Variants in ENOX1 observed in about 807,000 individuals in gnomAD.
The protein encoded by ENOX1 is ecto-NOX disulfide-thiol exchanger 1, also known as candidate growth-related and time keeping constitutive hydroquinone (NADH) oxidase.
In ENOX1, 42 loss-of-function variants were observed where a neutral mutation model predicts 82.5. The observed-to-expected ratio is 0.51, with a 90% CI of 0.40 to 0.66. The LOEUF (loss-of-function observed/expected upper bound fraction) is 0.66. Ranked by LOEUF, ENOX1 falls within the 30% of genes least tolerant of loss-of-function variation. ENOX1 has a pLI of 0.00. For synonymous variants in ENOX1, 271 were observed against 282.2 expected (o/e 0.96, Z 0.40); for missense variants, 608 against 811.6 (o/e 0.75, Z 3.05).
At chr13:43,712,701 T>C (rs905473601) in intron 1 of ENOX1, among the ~76,000 whole-genome samples, 1 of 152,210 alleles carries the variant, frequency 6.6e-6, no homozygotes, top group African/African-American at 2.4e-5. Context: ...AGTTCACTCA[T>C]GATTTGGCTC....
intron 3 of ENOX1, among the ~76,000 whole-genome samples, chr13:43,446,576 C>A (rs1007631372): frequency 6.6e-6 from 1 of 152,214 alleles, no homozygotes; most frequent in Non-Finnish European, 1.5e-5. Context: ...TCTCTCCTAA[C>A]TGGCTACCTC....
At chr13:43,785,850 A>AG (rs1372964762) in intron 1 of ENOX1, among the ~76,000 whole-genome samples, 1 of 152,086 alleles carries the variant, frequency 6.6e-6, no homozygotes, top group Non-Finnish European at 1.5e-5. Flanking sequence ...GTGGCCGTGC[A>AG]GGGGGAGGAC....
intron 11 of ENOX1, among the ~76,000 whole-genome samples, chr13:43,309,595 A>C (rs2047071337): frequency 6.6e-6 from 1 of 152,212 alleles, no homozygotes; most frequent in Non-Finnish European, 1.5e-5. Flanking sequence ...TCAACTGGAC[A>C]CATCATCACT....
chr13:43,412,586 C>T (rs564102617), intron 4 of ENOX1, among the ~76,000 whole-genome samples: 2 of 152,170 alleles, frequency 1.3e-5, no homozygotes, highest in Non-Finnish European at 2.9e-5. Context: ...GTCTACCTAA[C>T]GTGACTTTTC....
chr13:43,294,438 A>C (rs1035026502), intron 12 of ENOX1, among the ~76,000 whole-genome samples: 4 of 152,238 alleles, frequency 2.6e-5, no homozygotes, highest in Non-Finnish European at 5.9e-5. Context: ...AGATATCACT[A>C]TAAATTTACT....
At chr13:43,324,438 A>G (rs1317967410) in intron 10 of ENOX1, among the ~76,000 whole-genome samples, 1 of 152,166 alleles carries the variant, frequency 6.6e-6, no homozygotes, top group Non-Finnish European at 1.5e-5. Context: ...ATAAATCTGT[A>G]GAGGTGTTGC....
intron 5 of ENOX1, among the ~76,000 whole-genome samples, chr13:43,404,910 C>T (rs532200178): frequency 2.9e-4 from 44 of 152,254 alleles, no homozygotes; most frequent in Non-Finnish European, 4.1e-4. Flanking sequence ...AATCTTTCAA[C>T]AAGATGGAAA....
intron 9 of ENOX1, among the ~76,000 whole-genome samples, chr13:43,327,342 A>G (rs1359071685): frequency 1.3e-5 from 2 of 152,182 alleles, no homozygotes; most frequent in Non-Finnish European, 2.9e-5. Context: ...TATTATCTTG[A>G]CTTAATTTAG....
intron 2 of ENOX1, among the ~76,000 whole-genome samples, chr13:43,601,483 T>C (rs558437626): frequency 6.6e-6 from 1 of 151,368 alleles, no homozygotes; most frequent in African/African-American, 2.4e-5. Flanking sequence ...TATTGGGAAA[T>C]ACACAAAGGA....
intron 2 of ENOX1, among the ~76,000 whole-genome samples, chr13:43,624,035 A>C (rs1482297787): frequency 6.6e-6 from 1 of 152,186 alleles, no homozygotes; most frequent in East Asian, 1.9e-4. Flanking sequence ...GTACCATTTT[A>C]CATTCCCACC....
chr13:43,296,465 C>G (rs975395675), intron 12 of ENOX1, among the ~76,000 whole-genome samples: 6 of 152,174 alleles, frequency 3.9e-5, no homozygotes, highest in African/African-American at 1.4e-4. Context: ...CTTACAGCCT[C>G]AGAAGGAACC....
chr13:43,778,157 T>C (rs941639200), intron 1 of ENOX1, among the ~76,000 whole-genome samples: 3 of 152,256 alleles, frequency 2.0e-5, no homozygotes, highest in East Asian at 1.9e-4. Context: ...TTTCTAACTA[T>C]AGAGAGAGCC....
chr13:43,489,507 C>T (rs1593457367), intron 2 of ENOX1, among the ~76,000 whole-genome samples: 1 of 152,158 alleles, frequency 6.6e-6, no homozygotes, highest in East Asian at 1.9e-4. Flanking sequence ...AGAGGTAGGA[C>T]CATGGCAGAG....
chr13:43,738,900 C>CT (rs993103828), intron 1 of ENOX1, among the ~76,000 whole-genome samples: 1 of 152,138 alleles, frequency 6.6e-6, no homozygotes, highest in Non-Finnish European at 1.5e-5. Context: ...CCTCTCTGAA[C>CT]TTTTTTTCTC....
chr13:43,630,381 C>A (rs1269660320), intron 2 of ENOX1, among the ~76,000 whole-genome samples: 8 of 152,094 alleles, frequency 5.3e-5, no homozygotes, highest in African/African-American at 1.4e-4. Context: ...ACTTTCAACA[C>A]TGGTGTGAAA....
chr13:43,699,020 T>C (rs1486619603), intron 1 of ENOX1, among the ~76,000 whole-genome samples: 1 of 152,188 alleles, frequency 6.6e-6, no homozygotes, highest in African/African-American at 2.4e-5. Flanking sequence ...GATGACTGCC[T>C]CATAACTTGG....
chr13:43,533,915 C>T (rs1406431492), intron 2 of ENOX1, among the ~76,000 whole-genome samples: 2 of 152,030 alleles, frequency 1.3e-5, no homozygotes, highest in South Asian at 4.1e-4. Context: ...TGCCAGAATG[C>T]TAAAGAGAGT....
intron 2 of ENOX1, among the ~76,000 whole-genome samples, chr13:43,629,566 C>T (rs996045325): frequency 1.3e-5 from 2 of 152,196 alleles, no homozygotes; most frequent in Admixed American, 6.5e-5. Flanking sequence ...ATAGGAAAAT[C>T]ACATCCACTC....
intron 12 of ENOX1, among the ~76,000 whole-genome samples, chr13:43,291,696 C>T (rs1027734072): frequency 1.3e-5 from 2 of 152,172 alleles, no homozygotes; most frequent in South Asian, 2.1e-4. Context: ...CATTCAAAGA[C>T]TGGGTTAAAG....
Sources: gnomAD v4.1 joint callset for allele counts (sites outside exome capture counted in the v4.1 genomes callset) on GRCh38, gnomAD v4.1.1 for gene constraint, MANE v1.5 for transcripts, NCBI Gene and HGNC (gene_info 2026-07-23, HGNC 2026-07-21) for gene names.